HS6ST3: variants seen among roughly 807,000 people sequenced by gnomAD.
HS6ST3 encodes heparan-sulfate 6-O-sulfotransferase 3.
In HS6ST3, 12 loss-of-function variants were observed where a neutral mutation model predicts 36.7. The observed-to-expected ratio is 0.33, with a 90% CI of 0.21 to 0.53. HS6ST3 has a LOEUF of 0.53. Ranked by LOEUF, HS6ST3 falls within the 20% of genes least tolerant of loss-of-function variation. The probability of loss-of-function intolerance (pLI) is 0.95; values close to 1 mark genes in which losing one functional copy is unlikely to be tolerated. For missense variants in HS6ST3, 584 were observed against 640.9 expected (o/e 0.91, Z 0.96); for synonymous variants, 240 against 257.5 (o/e 0.93, Z 0.65).
rs562732815 is a variant in HS6ST3 at position 96,781,127 on chromosome 13, C to T, written c.708-51363C>T. ...TCCATCTCTCCAATTCCCCCATTTT[C>T]CTTGTGGAGATACTCTCTTCTTCCT... On this transcript the variant is annotated intron_variant, in intron 1 of 1. Transcript: ENST00000376705. Among the ~76,000 whole-genome samples the T allele has an allele frequency of 7.2e-5, 11 of 152,308 alleles. No homozygotes were observed. The South Asian group carries it at 2.3e-3, about 32-fold the overall frequency.
intron 1 of HS6ST3, among the ~76,000 whole-genome samples, chr13:96,505,752 A>T (rs1566380628): frequency 6.6e-6 from 1 of 152,166 alleles, no homozygotes. Context: ...AAAGATATAC[A>T]TCTCTTCTTT....
intron 1 of HS6ST3, among the ~76,000 whole-genome samples, chr13:96,750,047 G>A (rs914081241): frequency 1.3e-5 from 2 of 152,092 alleles, no homozygotes; most frequent in Non-Finnish European, 2.9e-5. Context: ...TAACCACAGA[G>A]ATCTTGAACA....
intron 1 of HS6ST3, among the ~76,000 whole-genome samples, chr13:96,705,356 T>TAA (rs1875391868): frequency 6.6e-6 from 1 of 152,170 alleles, no homozygotes; most frequent in Non-Finnish European, 1.5e-5. Flanking sequence ...TTGAGAAGGG[T>TAA]AAAATGACAA....
intron 1 of HS6ST3, among the ~76,000 whole-genome samples, chr13:96,553,880 G>A (rs2056229398): frequency 6.6e-6 from 1 of 152,214 alleles, no homozygotes; most frequent in Admixed American, 6.5e-5. Flanking sequence ...GAAGGTAACA[G>A]CTTGATGAAG....
intron 1 of HS6ST3, among the ~76,000 whole-genome samples, chr13:96,128,854 C>G (rs973830203): frequency 3.5e-5 from 5 of 141,006 alleles, no homozygotes; most frequent in African/African-American, 1.4e-4. Flanking sequence ...TTCCCCTGTG[C>G]TTTTTTTTTT....
At chr13:96,772,389 A>T (rs1017568992) in intron 1 of HS6ST3, among the ~76,000 whole-genome samples, 3 of 152,264 alleles carry the variant, frequency 2.0e-5, no homozygotes, top group African/African-American at 7.2e-5. Context: ...AAGAGCAAAG[A>T]GAGCAAGGTT....
chr13:96,479,608 T>C (rs561364102), intron 1 of HS6ST3, among the ~76,000 whole-genome samples: 1 of 152,090 alleles, frequency 6.6e-6, no homozygotes, highest in Non-Finnish European at 1.5e-5. Flanking sequence ...ATGGTTAGCA[T>C]TGGATAGATC....
chr13:96,396,369 A>G (rs2139454852), intron 1 of HS6ST3, among the ~76,000 whole-genome samples: 2 of 152,172 alleles, frequency 1.3e-5, no homozygotes, highest in East Asian at 3.9e-4. Context: ...TAACATCTAT[A>G]GGATATCTAG....
chr13:96,235,261 G>A (rs983889205), intron 1 of HS6ST3, among the ~76,000 whole-genome samples: 14 of 152,036 alleles, frequency 9.2e-5, no homozygotes, highest in East Asian at 7.7e-4. Context: ...ATTGCTAGTC[G>A]AAAAAAATTT....
intron 1 of HS6ST3, among the ~76,000 whole-genome samples, chr13:96,464,038 T>G (rs1292442847): frequency 1.0e-5 from 1 of 95,312 alleles, no homozygotes; most frequent in Non-Finnish European, 2.5e-5. Context: ...TTTTTTTTTT[T>G]TTTTTAAATA....
intron 1 of HS6ST3, among the ~76,000 whole-genome samples, chr13:96,141,957 G>T (rs548240649): frequency 6.7e-6 from 1 of 148,214 alleles, no homozygotes; most frequent in African/African-American, 2.5e-5. Flanking sequence ...GAAGAAAACC[G>T]TGTCCAGATA....
At chr13:96,802,423 A>G (rs1161722957) in intron 1 of HS6ST3, among the ~76,000 whole-genome samples, 1 of 152,162 alleles carries the variant, frequency 6.6e-6, no homozygotes, top group African/African-American at 2.4e-5. Context: ...CTCTTTTAAC[A>G]AAAACTCACT....
chr13:96,528,314 A>G (rs2056122198), intron 1 of HS6ST3, among the ~76,000 whole-genome samples: 1 of 152,316 alleles, frequency 6.6e-6, no homozygotes, highest in Admixed American at 6.5e-5. Flanking sequence ...CTCAAAAATG[A>G]ACTTATCACT....
chr13:96,344,055 A>G (rs572872915), intron 1 of HS6ST3, among the ~76,000 whole-genome samples: 3 of 152,224 alleles, frequency 2.0e-5, no homozygotes, highest in East Asian at 1.9e-4. Flanking sequence ...TTATTACAGT[A>G]TCTTTACTTG....
chr13:96,765,365 C>G (rs1353826075), intron 1 of HS6ST3, among the ~76,000 whole-genome samples: 1 of 152,152 alleles, frequency 6.6e-6, no homozygotes, highest in Non-Finnish European at 1.5e-5. Context: ...AACCACCGCA[C>G]CCGGCCACAC....
intron 1 of HS6ST3, among the ~76,000 whole-genome samples, chr13:96,364,110 C>T (rs1029783392): frequency 4.6e-5 from 7 of 151,794 alleles, no homozygotes; most frequent in Non-Finnish European, 1.0e-4. Flanking sequence ...GTACCTGTTA[C>T]TTAAAAAAAG....
chr13:96,390,878 A>G (rs2055391993), intron 1 of HS6ST3, among the ~76,000 whole-genome samples: 1 of 152,110 alleles, frequency 6.6e-6, no homozygotes, highest in East Asian at 1.9e-4. Context: ...TTACATCACC[A>G]AGTTATTTTT....
chr13:96,394,030 G>A, intron 1 of HS6ST3, among the ~76,000 whole-genome samples: 1 of 152,162 alleles, frequency 6.6e-6, no homozygotes, highest in East Asian at 1.9e-4. Flanking sequence ...GTTTTTGATA[G>A]GGTACAATTT....
intron 1 of HS6ST3, among the ~76,000 whole-genome samples, chr13:96,443,059 C>T (rs1263331162): frequency 6.6e-6 from 1 of 151,882 alleles, no homozygotes; most frequent in African/African-American, 2.4e-5. Flanking sequence ...TACAAGAAAA[C>T]ATCATTTAAA....
Sources: allele counts gnomAD v4.1 joint callset (sites outside exome capture counted in the v4.1 genomes callset), GRCh38; gene constraint gnomAD v4.1.1; transcripts MANE v1.5; gene names NCBI Gene and HGNC (gene_info 2026-07-23, HGNC 2026-07-21).